Variants in STAC observed in about 807,000 individuals in gnomAD.
STAC encodes SH3 and cysteine-rich domain-containing protein.
Under a neutral mutation model 48.8 loss-of-function variants are expected in STAC, and 43 were observed. The ratio of observed to expected loss-of-function variants is 0.88; its 90% CI spans 0.69 to 1.14. The LOEUF is 1.14. Among genes scored for constraint, STAC ranks in the 50% most tolerant of loss-of-function variants. STAC has a pLI of 0.00. For missense variants in STAC, 497 were observed against 504.0 expected (o/e 0.99, Z 0.13); for synonymous variants, 193 against 179.5 (o/e 1.07, Z -0.60).
At chr3:36,389,788 C>T (rs1699710527) in intron 1 of STAC, among the ~76,000 whole-genome samples, 1 of 152,088 alleles carries the variant, frequency 6.6e-6, no homozygotes. Flanking sequence ...CCCTCACTTC[C>T]CAGAGATTCA....
At chr3:36,425,632 A>G (rs1291984919) in intron 1 of STAC, among the ~76,000 whole-genome samples, 1 of 152,238 alleles carries the variant, frequency 6.6e-6, no homozygotes, top group African/African-American at 2.4e-5. Flanking sequence ...GTGGTTATAC[A>G]AGGTGTTAAG....
At chr3:36,491,828 A>G (rs1346717876) in intron 5 of STAC, among the ~76,000 whole-genome samples, 3 of 150,678 alleles carry the variant, frequency 2.0e-5, no homozygotes, top group Non-Finnish European at 4.4e-5. Flanking sequence ...AGCCTGGCCA[A>G]CACAGTGAAA....
At chr3:36,485,118 C>G (rs1276064208) in intron 4 of STAC, 60 bp downstream of exon 4, 1 of 1,417,842 alleles carries the variant, frequency 7.1e-7, no homozygotes, top group Non-Finnish European at 9.7e-7. Context: ...ACATTAATGG[C>G]TACTGTCCTC....
At chr3:36,412,434 T>G (rs1575182340) in intron 1 of STAC, among the ~76,000 whole-genome samples, 1 of 132,578 alleles carries the variant, frequency 7.5e-6, no homozygotes, top group East Asian at 2.0e-4. Flanking sequence ...AAAATAGAGG[T>G]TTTTTTTTTA....
chr3:36,396,282 C>T (rs1181089378), intron 1 of STAC, among the ~76,000 whole-genome samples: 1 of 151,922 alleles, frequency 6.6e-6, no homozygotes, highest in Non-Finnish European at 1.5e-5. Flanking sequence ...GTTTATTGAA[C>T]AATATTTTTC....
intron 1 of STAC, among the ~76,000 whole-genome samples, chr3:36,387,695 C>T (rs1027744879): frequency 2.6e-5 from 4 of 152,034 alleles, no homozygotes; most frequent in African/African-American, 9.7e-5. Context: ...AATAATATCC[C>T]ATTGTATATA....
chr3:36,497,425 T>A (rs796111135), intron 6 of STAC, among the ~76,000 whole-genome samples: 21 of 152,048 alleles, frequency 1.4e-4, no homozygotes, highest in African/African-American at 4.8e-4. Context: ...TTCCTTAGAG[T>A]CTAGGAATGG....
intron 8 of STAC, among the ~76,000 whole-genome samples, chr3:36,520,274 CTA>C (rs1411287068): frequency 6.6e-6 from 1 of 152,148 alleles, no homozygotes; most frequent in African/African-American, 2.4e-5. Flanking sequence ...TGGGCTTCAC[CTA>C]GACCTAGAGA....
At chr3:36,383,261 G>A (rs1699551609) in intron 1 of STAC, among the ~76,000 whole-genome samples, 1 of 152,104 alleles carries the variant, frequency 6.6e-6, no homozygotes, top group East Asian at 1.9e-4. Flanking sequence ...CTTCACAATA[G>A]AAGATTCTGT....
intron 2 of STAC, among the ~76,000 whole-genome samples, chr3:36,445,974 A>G (rs949996355): frequency 1.3e-5 from 2 of 152,186 alleles, no homozygotes; most frequent in Admixed American, 1.3e-4. Context: ...TGCCTTGAAG[A>G]TGGAAAGGCC....
rs1194853574 is a variant in STAC, at chr3:36,486,266, T to G, written c.687+17T>G. The G allele has an allele frequency of 6.2e-7, 1 of 1,606,578 alleles. No homozygotes were observed. Among genetic ancestry groups the G allele is most frequent in the Non-Finnish European group, 8.5e-7 (1 of 1,174,698 alleles). ...AGAACCTCTGTAATTATCCTCTTCC[T>G]TCCTCGGTTTGTCTGTGGTGGTCTT... On this transcript the variant is annotated intron_variant, in intron 5 of 10. Transcript: ENST00000273183.
intron 10 of STAC, among the ~76,000 whole-genome samples, chr3:36,532,090 T>C (rs890554213): frequency 2.0e-5 from 3 of 152,168 alleles, no homozygotes; most frequent in Non-Finnish European, 2.9e-5. Context: ...TTTGCACATG[T>C]GTACACAAAT....
intron 8 of STAC, among the ~76,000 whole-genome samples, chr3:36,510,778 AG>A (rs1698518121): frequency 6.6e-6 from 1 of 152,044 alleles, no homozygotes; most frequent in African/African-American, 2.4e-5. Context: ...GGACACAGGG[AG>A]GGTAACATCA....
chr3:36,489,651 G>GAACA (rs1697913135), intron 5 of STAC, among the ~76,000 whole-genome samples: 1 of 152,164 alleles, frequency 6.6e-6, no homozygotes, highest in South Asian at 2.1e-4. Context: ...TTTATTCACA[G>GAACA]CTTTGTGTTT....
chr3:36,443,620 T>C lies in STAC; in HGVS notation c.368T>C (p.Val123Ala). The C allele has an allele frequency of 6.2e-7, 1 of 1,612,836 alleles. No individual in the cohort carries two copies. Among genetic ancestry groups the C allele is most frequent in the Admixed American group, 1.7e-5 (1 of 60,014 alleles). The change falls in exon 2 of 11, where the codon GTC becomes GCC. Residue 123 changes from valine (V) to alanine (A), a missense_variant. Coordinates refer to ENST00000273183, the MANE Select transcript of STAC (RefSeq NM_003149.3). The surrounding 1 kb of genome is among the most constrained non-coding windows in gnomAD (Gnocchi z 4.2). ...TTCAAGAAGCCCACTTTCTGTGATG[T>C]CTGCAACCACATGATAGTGGGTAAG... The part of the protein sequence containing the change: ...YIFKKPTFCD[V>A]CNHMIVGTNA...
rs144821504 is a variant in STAC at position 36,399,708 on chromosome 3, C to A, written c.111+18954C>A. ...TAAAATAACTCAATTTATTAAAAAA[C>A]CATGGCTCTAGGGTAACTTACTCGA... On this transcript the variant is annotated intron_variant, in intron 1 of 10. Transcript: ENST00000273183. Among the ~76,000 whole-genome samples the A allele has an allele frequency of 8.1e-3, 1,237 of 152,264 alleles. 17 individuals carry two copies. The highest frequency in any genetic ancestry group is 0.028 in the African/African-American group (1,152 of 41,536).
At chr3:36,504,889 T>A (rs778794341) in intron 7 of STAC, among the ~76,000 whole-genome samples, 10 of 152,008 alleles carry the variant, frequency 6.6e-5, no homozygotes, top group South Asian at 4.1e-4. Flanking sequence ...TTTCTATAAA[T>A]TTATAGCATG....
chr3:36,466,939 A>C (rs1211436747), intron 2 of STAC, among the ~76,000 whole-genome samples: 2 of 151,830 alleles, frequency 1.3e-5, no homozygotes, highest in East Asian at 1.9e-4. Context: ...CTCGGGGGGA[A>C]TGCTTTCAAC....
intron 2 of STAC, among the ~76,000 whole-genome samples, chr3:36,451,772 CT>C (rs1164880738): frequency 1.3e-5 from 2 of 152,210 alleles, no homozygotes; most frequent in African/African-American, 4.8e-5. Context: ...TTCAAATCTT[CT>C]CTTCTAGCTG....
Sources: gnomAD v4.1 joint callset for allele counts (sites outside exome capture counted in the v4.1 genomes callset) on GRCh38, gnomAD v4.1.1 for gene constraint, Gnocchi (gnomAD v3.1) non-coding constraint, MANE v1.5 for transcripts, NCBI Gene and HGNC (gene_info 2026-07-23, HGNC 2026-07-21) for gene names.